TEX14: variants seen among roughly 807,000 people sequenced by gnomAD.
The protein encoded by TEX14 is testis expressed 14, intercellular bridge forming factor.
TEX14 carries 168 observed loss-of-function variants against 178.6 expected under a neutral mutation model. The ratio of observed to expected loss-of-function variants is 0.94; its 90% CI spans 0.83 to 1.07. The LOEUF (loss-of-function observed/expected upper bound fraction) is 1.07, where lower values mean the gene tolerates loss of function less well. Ranked by LOEUF, TEX14 falls within the 50% of genes least tolerant of loss-of-function variation. The pLI is 0.00. For missense variants in TEX14, 1,730 were observed against 1,753.6 expected (o/e 0.99, Z 0.24); for synonymous variants, 626 against 634.1 (o/e 0.99, Z 0.19).
At chr17:58,628,859 T>C (rs1476267099) in intron 3 of TEX14, among the ~76,000 whole-genome samples, 1 of 151,480 alleles carries the variant, frequency 6.6e-6, no homozygotes, top group African/African-American at 2.4e-5. Context: ...CACTCCAGCC[T>C]GGGTGACAGA....
intron 22 of TEX14, among the ~76,000 whole-genome samples, 182 bp downstream of exon 22, chr17:58,574,005 A>C (rs2044608877): frequency 6.6e-6 from 1 of 152,168 alleles, no homozygotes; most frequent in African/African-American, 2.4e-5. Context: ...CCTTGAGTGT[A>C]AGCTGCTATT....
intron 2 of TEX14, among the ~76,000 whole-genome samples, chr17:58,632,682 T>TA (rs2046349676): frequency 6.6e-6 from 1 of 152,138 alleles, no homozygotes; most frequent in South Asian, 2.1e-4. Flanking sequence ...CTCACGCACC[T>TA]AGGTCACGAT....
At chr17:58,570,161 G>T (rs542458692) in intron 25 of TEX14, among the ~76,000 whole-genome samples, 1 of 108,078 alleles carries the variant, frequency 9.3e-6, no homozygotes, top group Non-Finnish European at 2.2e-5. Flanking sequence ...ATATTTAAAA[G>T]ATATGCAAAA....
At position 58,584,718 on chromosome 17, in the gene TEX14, T is replaced by C; in HGVS notation, c.3071-118A>G. On this transcript the variant is annotated intron_variant, in intron 18 of 31. Coordinates refer to ENST00000349033, the MANE Select transcript of TEX14 (RefSeq NM_031272.5). ...ACATATTCTGCCAAGAGTGGCCATG[T>C]CCCATACGTTAGGTTCAGTCCAGAG... 6 of 797,022 alleles carry C rather than the reference T, an allele frequency of 7.5e-6. No homozygotes were observed. The South Asian group carries it at 9.4e-5, about 12-fold the overall frequency. 49.4% of individuals were successfully genotyped at this position (797,022 alleles called of 1,614,324 possible).
At chr17:58,656,925 C>CAAAAAAAAAAAAAAA (rs60626361) in intron 1 of TEX14, among the ~76,000 whole-genome samples, 2 of 79,538 alleles carry the variant, frequency 2.5e-5, no homozygotes, top group Non-Finnish European at 4.3e-5. Flanking sequence ...TCCCATCTCA[C>CAAAAAAAAAAAAAAA]AAAAAAAAAA....
intron 2 of TEX14, among the ~76,000 whole-genome samples, chr17:58,641,620 C>T (rs1346441752): frequency 2.6e-5 from 4 of 151,794 alleles, no homozygotes; most frequent in Non-Finnish European, 5.9e-5. Context: ...GATTCTCCTG[C>T]CTCGGCCTCC....
rs182148825 is a variant in TEX14 at position 58,689,713 on chromosome 17, T to C, written c.-2+2226A>G. Reference sequence around the variant, plus strand: ...AGGTGCACCTTCCATATTTATCCCATAGCTTTGTTTAGTTCCTAGTGCGTG... The same window carrying C: ...AGGTGCACCTTCCATATTTATCCCACAGCTTTGTTTAGTTCCTAGTGCGTG... On this transcript the variant is annotated intron_variant, in intron 1 of 31. Coordinates refer to ENST00000349033, the MANE Select transcript of TEX14 (RefSeq NM_031272.5). Among the ~76,000 whole-genome samples, 453 of 152,256 alleles carry C rather than the reference T, an allele frequency of 3.0e-3. 1 individual carries two copies. Among genetic ancestry groups the C allele is most frequent in the African/African-American group, 0.01 (424 of 41,562 alleles).
chr17:58,629,501 T>A (rs1381330895), intron 3 of TEX14, among the ~76,000 whole-genome samples: 2 of 149,756 alleles, frequency 1.3e-5, no homozygotes, highest in African/African-American at 4.9e-5. Context: ...TGTCACTGAT[T>A]CACTGTGTTA....
Position 58,623,029 on chromosome 17 carries a change from G to A in TEX14, c.252-17C>T. The stretch of plus-strand genomic sequence containing the variant: ...AAGCAGCGGCTGGGGAGGGAGATGA[G>A]TACAATTGATGTCCATGGCAATGCT... On this transcript the variant is annotated splice_polypyrimidine_tract_variant and intron_variant, in intron 3 of 31. Transcript: ENST00000349033. 6.3e-7 allele frequency: 1 copy of A among 1,580,958 alleles called. No homozygotes were observed. Among genetic ancestry groups the A allele is most frequent in the Admixed American group, 1.7e-5 (1 of 59,442 alleles).
At chr17:58,654,401 T>G (rs2143282783) in intron 1 of TEX14, among the ~76,000 whole-genome samples, 1 of 151,428 alleles carries the variant, frequency 6.6e-6, no homozygotes, top group Non-Finnish European at 1.5e-5. Context: ...AGTTAAAGAT[T>G]AGATATAGAT....
At chr17:58,568,221 G>T (rs139505748) in intron 26 of TEX14, among the ~76,000 whole-genome samples, 1 of 152,168 alleles carries the variant, frequency 6.6e-6, no homozygotes, top group Non-Finnish European at 1.5e-5. Context: ...TGGGGGAGGG[G>T]TAAAGTGAAG....
chr17:58,624,321 ATTTTC>A (rs988103650), intron 3 of TEX14, among the ~76,000 whole-genome samples: 79 of 142,716 alleles, frequency 5.5e-4, no homozygotes, highest in African/African-American at 9.8e-4. Context: ...GTATCTACAT[ATTTTC>A]TTTTCTTTTC....
chr17:58,631,760 G>A (rs193228251), intron 2 of TEX14: 11 of 151,864 alleles, frequency 7.2e-5, no homozygotes, highest in Admixed American at 3.9e-4. Context: ...TCCCTCTCGC[G>A]GTTTCCAGCG....
chr17:58,587,478 T>C (rs2045004832), intron 17 of TEX14, 103 bp downstream of exon 17: 10 of 708,300 alleles, frequency 1.4e-5, no homozygotes, highest in Middle Eastern at 3.5e-4. Context: ...ATTGCTATGG[T>C]TCTAAATGTG....
At chr17:58,574,701 A>AAAAG (rs2044634522) in intron 21 of TEX14, among the ~76,000 whole-genome samples, 3 of 149,760 alleles carry the variant, frequency 2.0e-5, no homozygotes, top group Admixed American at 6.7e-5. Flanking sequence ...AAAAAAAAAA[A>AAAAG]GTGTGAGTTC....
rs772523426 is a variant in TEX14, at chr17:58,630,537, C to A, written c.154G>T (p.Val52Phe). 5 of 1,613,252 alleles carry A rather than the reference C, an allele frequency of 3.1e-6. No individual in the cohort carries two copies. Among genetic ancestry groups the A allele is most frequent in the Non-Finnish European group, 4.2e-6 (5 of 1,179,394 alleles). Reference protein sequence around the residue: ...ILKKGIYVDAVNSLGQTALFV... With the variant: ...ILKKGIYVDAFNSLGQTALFV... The stretch of plus-strand genomic sequence containing the variant: ...AGTGCTGTTTGGCCCAAGGAGTTAA[C>A]TGCATCAACATAAATTCCTGCAAAG... The change falls in exon 3 of 32, where the codon GTT (valine) becomes TTT (phenylalanine). Residue 52 changes from valine (V) to phenylalanine (F), a missense_variant. This residue lies in a region of TEX14 where 789 missense variants were observed against 681.2 expected (regional missense o/e 1.16). Transcript: ENST00000349033.
intron 7 of TEX14, 102 bp downstream of exon 7, chr17:58,616,072 TC>T: frequency 7.7e-7 from 1 of 1,292,924 alleles, no homozygotes. Context: ...TCTTAGGTGT[TC>T]CCTGTGTTTG....
rs78369953 is a variant in TEX14, at chr17:58,611,820, A to G, written c.1006-481T>C. On this transcript the variant is annotated intron_variant, in intron 9 of 31. Transcript: ENST00000349033. ...CCTAAGGGGACAGAAATTCACTCAC[A>G]TCAATGCACCTGGCTGACTAAAGTC... 1.3e-3 allele frequency among the ~76,000 whole-genome samples: 193 copies of G among 152,322 alleles called. 1 individual carries two copies. Among genetic ancestry groups the G allele is most frequent in the Non-Finnish European group, 2.5e-3 (171 of 68,028 alleles).
At chr17:58,571,412 A>T (rs2044525589) in intron 24 of TEX14, among the ~76,000 whole-genome samples, 1 of 151,496 alleles carries the variant, frequency 6.6e-6, no homozygotes, top group Non-Finnish European at 1.5e-5. Context: ...AATTTTCTGT[A>T]TCTTTTGTAG....
Sources: allele counts gnomAD v4.1 joint callset (sites outside exome capture counted in the v4.1 genomes callset), GRCh38; gene constraint gnomAD v4.1.1; regional missense constraint gnomAD v4.1.1; transcripts MANE v1.5; gene names NCBI Gene and HGNC (gene_info 2026-07-23, HGNC 2026-07-21).